HS3ST2: variants seen among roughly 807,000 people sequenced by gnomAD.
The protein encoded by HS3ST2 is heparan sulfate-glucosamine 3-sulfotransferase 2, also known as heparan sulfate glucosamine 3-O-sulfotransferase 2.
A neutral mutation model predicts 26.3 loss-of-function variants in HS3ST2; 17 were observed. That is an observed-to-expected ratio of 0.65 (90% confidence interval 0.44 to 0.97). The LOEUF (loss-of-function observed/expected upper bound fraction) is 0.97. Ranked by LOEUF, HS3ST2 falls within the 50% of genes least tolerant of loss-of-function variation. The pLI, the probability that HS3ST2 is intolerant of heterozygous loss-of-function variation, is 0.00. For missense variants in HS3ST2, 402 were observed against 501.2 expected (o/e 0.80, Z 1.89); for synonymous variants, 237 against 219.2 (o/e 1.08, Z -0.72).
chr16:22,895,359 A>C (rs1902196540), intron 1 of HS3ST2, among the ~76,000 whole-genome samples: 1 of 152,126 alleles, frequency 6.6e-6, no homozygotes, highest in Non-Finnish European at 1.5e-5. Context: ...CAAAGTGCTG[A>C]GATTACAGGC....
intron 1 of HS3ST2, among the ~76,000 whole-genome samples, chr16:22,908,317 G>A (rs866226295): frequency 6.6e-6 from 1 of 152,238 alleles, no homozygotes; most frequent in South Asian, 2.1e-4. Context: ...CATGGATTGT[G>A]GTGGACTCGG....
chr16:22,879,904 G>A (rs1449381582), intron 1 of HS3ST2, among the ~76,000 whole-genome samples: 2 of 152,174 alleles, frequency 1.3e-5, no homozygotes, highest in Admixed American at 1.3e-4. Flanking sequence ...ACTGGACACA[G>A]GGGCTTGGGA....
At chr16:22,839,729 C>T (rs554865036) in intron 1 of HS3ST2, among the ~76,000 whole-genome samples, 16 of 152,120 alleles carry the variant, frequency 1.1e-4, no homozygotes, top group South Asian at 4.2e-4. Context: ...GTCTTGGACG[C>T]GTCTTACCCT....
chr16:22,890,954 C>T (rs536327684), intron 1 of HS3ST2, among the ~76,000 whole-genome samples: 1 of 152,330 alleles, frequency 6.6e-6, no homozygotes, highest in East Asian at 1.9e-4. Context: ...CTGTGTTTAA[C>T]AGAAAAGGGC....
At chr16:22,901,083 G>A (rs909831973) in intron 1 of HS3ST2, among the ~76,000 whole-genome samples, 6 of 152,136 alleles carry the variant, frequency 3.9e-5, no homozygotes, top group African/African-American at 9.7e-5. Context: ...CACTTTATAC[G>A]GGACTCTCGC....
intron 1 of HS3ST2, among the ~76,000 whole-genome samples, chr16:22,884,990 G>A (rs1169996039): frequency 6.6e-6 from 1 of 151,702 alleles, no homozygotes; most frequent in African/African-American, 2.4e-5. Context: ...ACAGACACGT[G>A]CCACCACGCC....
intron 1 of HS3ST2, among the ~76,000 whole-genome samples, chr16:22,825,618 C>T (rs931174006): frequency 6.6e-6 from 1 of 151,894 alleles, no homozygotes; most frequent in Non-Finnish European, 1.5e-5. Flanking sequence ...AGAGGATTTC[C>T]TTGGATAGAG....
chr16:22,866,363 G>GGTGTGTGTGTGT (rs1442625101), intron 1 of HS3ST2, among the ~76,000 whole-genome samples: 36 of 115,018 alleles, frequency 3.1e-4, no homozygotes, highest in African/African-American at 1.2e-3. Flanking sequence ...TTGACAATAT[G>GGTGTGTGTGTGT]GTGTGCGTGT....
At chr16:22,875,797 A>G (rs1901907149) in intron 1 of HS3ST2, among the ~76,000 whole-genome samples, 1 of 152,320 alleles carries the variant, frequency 6.6e-6, no homozygotes, top group African/African-American at 2.4e-5. Context: ...AGCTCCATTC[A>G]TAGTAAGTGC....
intron 1 of HS3ST2, among the ~76,000 whole-genome samples, chr16:22,857,585 A>G (rs567217890): frequency 1.3e-5 from 2 of 152,370 alleles, no homozygotes; most frequent in African/African-American, 4.8e-5. Context: ...CTTGCTCTAA[A>G]TAACATCTCC....
chr16:22,911,955 CTACAAAAAA>C (rs1164859890), intron 1 of HS3ST2, among the ~76,000 whole-genome samples: 2 of 152,100 alleles, frequency 1.3e-5, no homozygotes, highest in Non-Finnish European at 2.9e-5. Flanking sequence ...AACCCTGTCT[CTACAAAAAA>C]TACAAAAAAT....
intron 1 of HS3ST2, among the ~76,000 whole-genome samples, chr16:22,845,354 A>AT (rs5816193): frequency 0.33 from 42,459 of 129,536 alleles, 7,840 homozygotes; most frequent in East Asian, 0.41. Flanking sequence ...TTTATTTGTG[A>AT]TTTTTTTTTT....
chr16:22,914,073 G>A (rs967125836), intron 1 of HS3ST2, among the ~76,000 whole-genome samples: 2 of 151,932 alleles, frequency 1.3e-5, no homozygotes, highest in Admixed American at 1.3e-4. Flanking sequence ...GGAGTTCGAG[G>A]CTTCAGTGAG....
chr16:22,906,004 G>T (rs1902345745), intron 1 of HS3ST2, among the ~76,000 whole-genome samples: 1 of 152,140 alleles, frequency 6.6e-6, no homozygotes, highest in African/African-American at 2.4e-5. Context: ...AGGACACGTG[G>T]CTAAAGGAAG....
intron 1 of HS3ST2, among the ~76,000 whole-genome samples, chr16:22,831,831 T>G (rs948999287): frequency 1.2e-4 from 18 of 151,764 alleles, no homozygotes; most frequent in African/African-American, 4.4e-4. Context: ...GACAAGCGAG[T>G]TTTCTGGGTG....
At chr16:22,859,124 C>T (rs1901642139) in intron 1 of HS3ST2, among the ~76,000 whole-genome samples, 1 of 152,160 alleles carries the variant, frequency 6.6e-6, no homozygotes, top group African/African-American at 2.4e-5. Flanking sequence ...TATGATCGTG[C>T]CACTGTGCTC....
chr16:22,838,462 A>G (rs1325241442), intron 1 of HS3ST2, among the ~76,000 whole-genome samples: 1 of 152,120 alleles, frequency 6.6e-6, no homozygotes, highest in Non-Finnish European at 1.5e-5. Context: ...AGTCCTTAAA[A>G]ATCATAGACC....
intron 1 of HS3ST2, among the ~76,000 whole-genome samples, chr16:22,856,581 A>G (rs11647307): frequency 4.0e-4 from 60 of 151,280 alleles, no homozygotes; most frequent in Non-Finnish European, 7.7e-4. Flanking sequence ...AAGAAACCCA[A>G]CTCTCCCCTC....
chr16:22,814,935 C>T lies in HS3ST2; in HGVS notation c.325C>T (p.Leu109=). The T allele has an allele frequency of 6.2e-7, 1 of 1,608,094 alleles. No individual in the cohort carries two copies. The highest frequency in any genetic ancestry group is 8.5e-7 in the Non-Finnish European group (1 of 1,177,854). ...SGSNHSGSPK[L]GTKRLPQALI... is the part of the protein sequence containing the mutation. ...TTCCAACCACTCCGGCTCACCCAAGCTGGGTACCAAGCGGTTGCCCCAAGC... is the reference window on the plus strand; with the variant it reads ...TTCCAACCACTCCGGCTCACCCAAGTTGGGTACCAAGCGGTTGCCCCAAGC... Residue 109 remains leucine (L), a synonymous_variant, in exon 1 of 2, where the codon CTG becomes TTG. Transcript: ENST00000261374.
Sources: gnomAD v4.1 joint callset for allele counts (sites outside exome capture counted in the v4.1 genomes callset) on GRCh38, gnomAD v4.1.1 for gene constraint, MANE v1.5 for transcripts, NCBI Gene and HGNC (gene_info 2026-07-23, HGNC 2026-07-21) for gene names.